The following AVL9 variants were observed in gnomAD, a reference collection of about 807,000 sequenced individuals.
AVL9 encodes late secretory pathway protein AVL9 homolog.
A neutral mutation model predicts 79.2 loss-of-function variants in AVL9; 49 were observed. The observed-to-expected ratio is 0.62, with a 90% CI of 0.49 to 0.79. AVL9 has a LOEUF of 0.79. AVL9 is among the 30% of genes least tolerant of loss of function. The pLI is 0.00. For missense variants in AVL9, 682 were observed against 776.8 expected (o/e 0.88, Z 1.45); for synonymous variants, 299 against 280.6 (o/e 1.07, Z -0.65).
chr7:32,556,248 C>T (rs1790047586), intron 8 of AVL9, among the ~76,000 whole-genome samples: 3 of 152,150 alleles, frequency 2.0e-5, no homozygotes, highest in Admixed American at 2.0e-4. Flanking sequence ...GGCACAGTGG[C>T]TCACGCCTGT....
chr7:32,509,450 A>T (rs972849858), intron 1 of AVL9, among the ~76,000 whole-genome samples: 5 of 152,234 alleles, frequency 3.3e-5, no homozygotes, highest in Non-Finnish European at 5.9e-5. Context: ...CCTACTTGAA[A>T]ACAGATTAAC....
chr7:32,551,303 A>T, intron 4 of AVL9, 31 bp from the exon 5 acceptor site: 1 of 1,394,804 alleles, frequency 7.2e-7, no homozygotes, highest in Non-Finnish European at 1.0e-6. Context: ...CTAATTATTA[A>T]TCAATGGTAA....
chr7:32,532,132 G>A (rs1788685498), intron 1 of AVL9: 1 of 152,174 alleles, frequency 6.6e-6, no homozygotes, highest in Admixed American at 6.6e-5. Flanking sequence ...AAAGAGATGG[G>A]GCAGGTAGGT....
intron 1 of AVL9, among the ~76,000 whole-genome samples, chr7:32,521,975 TG>T (rs1788176508): frequency 6.6e-6 from 1 of 152,194 alleles, no homozygotes; most frequent in Middle Eastern, 3.2e-3. Context: ...GTCCACATGG[TG>T]TTGAGCCTGC....
intron 1 of AVL9, among the ~76,000 whole-genome samples, chr7:32,514,411 A>G (rs2128119880): frequency 6.6e-6 from 1 of 152,370 alleles, no homozygotes; most frequent in African/African-American, 2.4e-5. Flanking sequence ...ACAGCCCTGA[A>G]TTCCTTAAAC....
In AVL9 at chr7:32,587,327, T is replaced by C. The variant is rs1419439430; in HGVS notation, c.*3420T>C. ...AGGGATTAGAATTTTACTCTGCTAG[T>C]TACAAGTTTTAAAGTCACGCTACGG... On this transcript the variant is annotated 3_prime_UTR_variant, in exon 16 of 16. Coordinates refer to ENST00000318709, the MANE Select transcript of AVL9 (RefSeq NM_015060.3). 6.6e-6 allele frequency: 1 copy of C among 152,230 alleles called. No homozygotes were observed. Among genetic ancestry groups the C allele is most frequent in the Admixed American group, 6.5e-5 (1 of 15,280 alleles). 9.4% of individuals were successfully genotyped at this position (152,230 alleles called of 1,614,324 possible). A position where few individuals can be genotyped will look rare whatever the true frequency, so the allele number is the denominator to read the frequency against.
intron 10 of AVL9, among the ~76,000 whole-genome samples, chr7:32,567,771 G>A (rs1055251348): frequency 1.3e-5 from 2 of 151,226 alleles, no homozygotes; most frequent in African/African-American, 4.9e-5. Flanking sequence ...CTGGAGTGCC[G>A]TGATATGATC....
chr7:32,581,096 A>AAAATAG, intron 15 of AVL9: 1 of 522,908 alleles, frequency 1.9e-6, no homozygotes, highest in East Asian at 3.3e-5. Flanking sequence ...AGAGAGTGAC[A>AAAATAG]AAATTTTCTG....
chr7:32,559,230 A>C lies in AVL9; in HGVS notation c.981A>C (p.Ser327=). Residue 327 remains serine, a synonymous_variant, in exon 10 of 16, where the codon TCA becomes TCC. Coordinates refer to ENST00000318709, the MANE Select transcript of AVL9 (RefSeq NM_015060.3). ...KPPSRPSPDS[S]ESDWETLDPS... ...CATCTCGCCCATCTCCAGATTCTTC[A>C]GAAAGTGACTGGGAAACTTTGGATC... 6.2e-7 allele frequency: 1 copy of C among 1,614,240 alleles called. No individual in the cohort carries two copies. Among genetic ancestry groups the C allele is most frequent in the Non-Finnish European group, 8.5e-7 (1 of 1,180,032 alleles).
intron 1 of AVL9, chr7:32,532,069 G>T (rs1788683580): frequency 6.6e-6 from 1 of 152,190 alleles, no homozygotes; most frequent in African/African-American, 2.4e-5. Flanking sequence ...GGTGGTAAAT[G>T]CAGGGGATTT....
At chr7:32,581,349 CA>C (rs1232693946) in intron 15 of AVL9, 1 of 153,342 alleles carries the variant, frequency 6.5e-6, no homozygotes, top group African/African-American at 2.4e-5. Flanking sequence ...TACAAATTAC[CA>C]ACGTTAGGGA....
rs777922620 is a variant in AVL9, at chr7:32,543,095, T to C, written c.94-46T>C. The stretch of plus-strand genomic sequence containing the variant: ...ATTTTTACCTATCAGAATAAAATGC[T>C]TCCTTTGGTCAACCACCTTTTGGCT... On this transcript the variant is annotated intron_variant, in intron 1 of 15. Coordinates refer to ENST00000318709, the MANE Select transcript of AVL9 (RefSeq NM_015060.3). 1.9e-6 allele frequency: 3 copies of C among 1,609,220 alleles called. No homozygotes were observed. In the South Asian group the frequency reaches 3.3e-5, roughly 18 times the overall value.
intron 1 of AVL9, among the ~76,000 whole-genome samples, chr7:32,520,706 G>A (rs976384765): frequency 6.6e-6 from 1 of 152,070 alleles, no homozygotes; most frequent in Non-Finnish European, 1.5e-5. Context: ...GGGCTGAGAG[G>A]GGCACCTTTT....
At chr7:32,579,580 AT>A (rs1791391256) in intron 13 of AVL9, among the ~76,000 whole-genome samples, 4 of 14,532 alleles carry the variant, frequency 2.8e-4, no homozygotes, top group African/African-American at 7.2e-4. Flanking sequence ...TATATTATAT[AT>A]TATATATTAT....
rs932773715 is a variant in AVL9 at position 32,573,384 on chromosome 7, C to A, written c.1536C>A (p.Tyr512Ter). The A allele has an allele frequency of 6.2e-7, 1 of 1,613,802 alleles. No individual in the cohort carries two copies. Among genetic ancestry groups the A allele is most frequent in the Non-Finnish European group, 8.5e-7 (1 of 1,179,928 alleles). The change falls in exon 12 of 16, where the codon TAC becomes TAA. Residue 512 changes from tyrosine to a stop codon, truncating the protein, a stop_gained. Transcript: ENST00000318709. LOFTEE classifies it high-confidence loss of function. ...GGATCCGGGCCCAGTTTGCGGTCTACATTCATGCCCTGCTGGCTGCCACAC... is the reference window on the plus strand; with the variant it reads ...GGATCCGGGCCCAGTTTGCGGTCTAAATTCATGCCCTGCTGGCTGCCACAC... The part of the protein sequence containing the change: ...DEWIRAQFAV[Y>*]IHALLAATLQ...
chr7:32,580,155 G>C, intron 13 of AVL9, 64 bp from the exon 14 acceptor site: 1 of 1,286,890 alleles, frequency 7.8e-7, no homozygotes, highest in Non-Finnish European at 1.1e-6. Flanking sequence ...ATTTTCTTGT[G>C]ATAACTCTTT....
chr7:32,583,678 C>CA (rs1791626518), intron 15 of AVL9, 114 bp from the exon 16 acceptor site: 1 of 690,054 alleles, frequency 1.4e-6, no homozygotes, highest in African/African-American at 1.8e-5. Flanking sequence ...GACGCTGTCT[C>CA]AAAAAACATT....
intron 8 of AVL9, among the ~76,000 whole-genome samples, chr7:32,555,111 G>A (rs2128139973): frequency 6.6e-6 from 1 of 152,294 alleles, no homozygotes; most frequent in East Asian, 1.9e-4. Context: ...GGCTGAAGCA[G>A]GAGGATCACT....
chr7:32,576,476 G>C (rs1312887083), intron 13 of AVL9, among the ~76,000 whole-genome samples: 1 of 152,126 alleles, frequency 6.6e-6, no homozygotes, highest in African/African-American at 2.4e-5. Context: ...TTTAAAACAT[G>C]ACATATGCGA....
Sources: gnomAD v4.1 joint callset for allele counts (sites outside exome capture counted in the v4.1 genomes callset) on GRCh38, gnomAD v4.1.1 for gene constraint, MANE v1.5 for transcripts, NCBI Gene and HGNC (gene_info 2026-07-23, HGNC 2026-07-21) for gene names.